DYNLT5: variants seen among roughly 807,000 people sequenced by gnomAD.
DYNLT5 encodes dynein light chain Tctex-type family member 5, also known as dynein light chain Tctex-type 5.
DYNLT5 carries 25 observed loss-of-function variants against 19.3 expected under a neutral mutation model. That is an observed-to-expected ratio of 1.30 (90% CI 0.95 to 1.81). DYNLT5 has a LOEUF of 1.81. Ranked by LOEUF, DYNLT5 falls within the 40% of genes most tolerant of loss-of-function variation. The pLI, the probability that DYNLT5 is intolerant of heterozygous loss-of-function variation, is 0.00. For missense variants in DYNLT5, 232 were observed against 217.9 expected, an observed-to-expected ratio of 1.06 and a Z score of -0.41; for synonymous variants, 82 against 68.9, an observed-to-expected ratio of 1.19 and a Z score of -0.94.
Position 66,752,593 on chromosome 1 carries a change from G to A in DYNLT5, c.-4+9G>A. ...AAGCCTCCCTGCTGCAGGTAGGGTC[G>A]CCTCTCTCTGCAGCGCGTCTGGACC... On this transcript the variant is annotated intron_variant, in intron 1 of 4. Transcript: ENST00000282670. The A allele has an allele frequency of 1.0e-6, 1 of 985,488 alleles. No individual in the cohort carries two copies. The highest frequency in any genetic ancestry group is 1.2e-6 in the Non-Finnish European group (1 of 829,942). 61.0% of individuals were successfully genotyped at this position (985,488 alleles called of 1,614,324 possible). A position where few individuals can be genotyped will look rare whatever the true frequency, so the allele number is the denominator to read the frequency against.
In DYNLT5 at chr1:66,777,596, T is replaced by C; in HGVS notation, c.*142T>C. 1.5e-6 allele frequency: 1 copy of C among 668,572 alleles called. No individual in the cohort carries two copies. The highest frequency in any genetic ancestry group is 2.4e-6 in the Non-Finnish European group (1 of 420,014). The allele number at this position is 668,572 out of a possible 1,614,324, so 41.4% of individuals were successfully genotyped here. On this transcript the variant is annotated 3_prime_UTR_variant, in exon 5 of 5. Coordinates refer to ENST00000282670, the MANE Select transcript of DYNLT5 (RefSeq NM_152665.3). Reference sequence around the variant, plus strand: ...AACTGGAAGCTTTTGAATTTTTTCATATTCTAGTAAAGATTTGGGGAGGGG... The same window carrying C: ...AACTGGAAGCTTTTGAATTTTTTCACATTCTAGTAAAGATTTGGGGAGGGG...
At chr1:66,753,605 T>TTTTA (rs2094630919) in intron 1 of DYNLT5, among the ~76,000 whole-genome samples, 2 of 152,144 alleles carry the variant, frequency 1.3e-5, no homozygotes, top group Admixed American at 1.3e-4. Flanking sequence ...TAATTTTAAT[T>TTTTA]TTTATTTATT....
intron 3 of DYNLT5, 154 bp from the exon 4 acceptor site, chr1:66,776,125 C>A: frequency 2.1e-6 from 2 of 950,870 alleles, no homozygotes; most frequent in African/African-American, 1.7e-5. Context: ...GAGCACTTGA[C>A]AGGAAACCTA....
chr1:66,775,587 G>A (rs1326490995), intron 3 of DYNLT5: 3 of 152,150 alleles, frequency 2.0e-5, no homozygotes, highest in Non-Finnish European at 4.4e-5. Flanking sequence ...GTATGCTTTA[G>A]CCAATATCAA....
chr1:66,776,821 C>T (rs1645238627), intron 4 of DYNLT5, among the ~76,000 whole-genome samples: 1 of 152,106 alleles, frequency 6.6e-6, no homozygotes, highest in Admixed American at 6.6e-5. Context: ...CCTCTACTTT[C>T]TTTTTGATAA....
rs937287854 is a variant in DYNLT5 at position 66,763,446 on chromosome 1, C to G, written c.120-6941C>G. On this transcript the variant is annotated intron_variant, in intron 2 of 4. Transcript: ENST00000282670. ...GCTTTGAAGCCAGGCATTGACCTCTCTCTAGCTATAAAAGCCCTAGGTGGC... is the reference window on the plus strand; with the variant it reads ...GCTTTGAAGCCAGGCATTGACCTCTGTCTAGCTATAAAAGCCCTAGGTGGC... Among the ~76,000 whole-genome samples the G allele has an allele frequency of 2.0e-5, 3 of 152,204 alleles. No homozygotes were observed. The East Asian group carries it at 5.8e-4, about 29-fold the overall frequency.
At chr1:66,768,987 T>C (rs1238391591) in intron 2 of DYNLT5, among the ~76,000 whole-genome samples, 1 of 152,244 alleles carries the variant, frequency 6.6e-6, no homozygotes, top group Admixed American at 6.5e-5. Flanking sequence ...TAAAATGAGA[T>C]AATTTATGGG....
intron 2 of DYNLT5, among the ~76,000 whole-genome samples, chr1:66,760,893 A>G (rs2094644938): frequency 6.6e-6 from 1 of 152,184 alleles, no homozygotes; most frequent in African/African-American, 2.4e-5. Context: ...CATACTTAAA[A>G]TTGTTGTACT....
intron 3 of DYNLT5, 69 bp from the exon 4 acceptor site, chr1:66,776,210 T>C: frequency 6.5e-7 from 1 of 1,536,794 alleles, no homozygotes; most frequent in East Asian, 2.3e-5. Context: ...ACTCTTTTGA[T>C]TAGCCTATGG....
chr1:66,772,293 G>A (rs1263432100), intron 3 of DYNLT5, among the ~76,000 whole-genome samples: 3 of 152,214 alleles, frequency 2.0e-5, no homozygotes, highest in African/African-American at 7.2e-5. Context: ...CAGAAGGGAA[G>A]GAGAGTTGGC....
chr1:66,777,415 C>G lies in DYNLT5; in HGVS notation c.501C>G (p.Leu167=). 6.2e-7 allele frequency: 1 copy of G among 1,613,814 alleles called. No individual in the cohort carries two copies. Among genetic ancestry groups the G allele is most frequent in the Non-Finnish European group, 8.5e-7 (1 of 1,179,836 alleles). Residue 167 remains leucine, a synonymous_variant, in exon 5 of 5, where the codon CTC becomes CTG. Coordinates refer to ENST00000282670, the MANE Select transcript of DYNLT5 (RefSeq NM_152665.3). The part of the protein sequence containing the change: ...FSSYVFRNSS[L]FALANVYAVY... ...CTTATGTTTTCAGAAATTCTTCTCT[C>G]TTCGCTCTTGCAAATGTCTATGCAG...
chr1:66,769,234 C>T (rs1215013443), intron 2 of DYNLT5, among the ~76,000 whole-genome samples: 10 of 152,096 alleles, frequency 6.6e-5, no homozygotes, highest in Admixed American at 5.9e-4. Context: ...TCCAGAAATC[C>T]ACCATGAAAA....
Position 66,776,399 on chromosome 1 carries a change from C to A in DYNLT5, c.332C>A (p.Ser111Tyr). Residue 111 changes from serine to tyrosine, a missense_variant, in exon 4 of 5, where the codon TCT becomes TAT. Coordinates refer to ENST00000282670, the MANE Select transcript of DYNLT5 (RefSeq NM_152665.3). ...TGTAGACAGATGACTAAAACCATTT[C>A]TGAGGTACGTGTGTGATTTGCCCAA... ...ELCRQMTKTI[S>Y]EVIKAQVKDL... 6.2e-7 allele frequency: 1 copy of A among 1,600,412 alleles called. No homozygotes were observed. The highest frequency in any genetic ancestry group is 1.1e-5 in the South Asian group (1 of 88,306).
chr1:66,755,413 T>C (rs1365040886), intron 2 of DYNLT5, among the ~76,000 whole-genome samples: 2 of 152,214 alleles, frequency 1.3e-5, no homozygotes, highest in Non-Finnish European at 2.9e-5. Context: ...TATACATCAA[T>C]TTTTAATATT....
intron 2 of DYNLT5, among the ~76,000 whole-genome samples, chr1:66,768,111 G>A (rs751527691): frequency 2.0e-5 from 3 of 152,148 alleles, no homozygotes; most frequent in Non-Finnish European, 4.4e-5. Context: ...TAGCCTAAAA[G>A]GCATGGATGA....
chr1:66,765,293 T>C (rs766552176), intron 2 of DYNLT5, among the ~76,000 whole-genome samples: 40 of 152,252 alleles, frequency 2.6e-4, no homozygotes, highest in Non-Finnish European at 5.3e-4. Context: ...TAGTTACAAA[T>C]AGAAGGAAAA....
intron 2 of DYNLT5, among the ~76,000 whole-genome samples, chr1:66,762,518 C>A (rs2094647791): frequency 6.6e-6 from 1 of 152,196 alleles, no homozygotes. Context: ...TCCCTGAGGG[C>A]TAGAATCAAC....
At chr1:66,770,753 C>T (rs148444889) in intron 3 of DYNLT5, 197 of 474,958 alleles carry the variant, frequency 4.1e-4, no homozygotes, top group Middle Eastern at 2.5e-3. Context: ...AACAAATTCA[C>T]TGAGTATTTC....
In DYNLT5 at chr1:66,770,433, G is replaced by T. The variant is rs1284817962; in HGVS notation, c.166G>T (p.Asp56Tyr). ...TATGGAAGAACCCAGTCAGCGTGAT[G>T]ATATCTCTCGCCTTACAGTTCAGAT... ...SYMEEPSQRD[D>Y]ISRLTVQMEN... Residue 56 changes from aspartate (D) to tyrosine (Y), a missense_variant, in exon 3 of 5, where the codon GAT (aspartate) becomes TAT (tyrosine). Transcript: ENST00000282670. 1 of 1,613,458 alleles carries T rather than the reference G, an allele frequency of 6.2e-7. No homozygotes were observed. The highest frequency in any genetic ancestry group is 8.5e-7 in the Non-Finnish European group (1 of 1,179,698).
Sources: allele counts gnomAD v4.1 joint callset (sites outside exome capture counted in the v4.1 genomes callset), GRCh38; gene constraint gnomAD v4.1.1; transcripts MANE v1.5; gene names NCBI Gene and HGNC (gene_info 2026-07-23, HGNC 2026-07-21).